CS: variants seen among roughly 807,000 people sequenced by gnomAD.
The protein encoded by CS is citrate synthase, mitochondrial.
In CS, 13 loss-of-function variants were observed where a neutral mutation model predicts 61.4. That is an observed-to-expected ratio of 0.21 (90% CI 0.14 to 0.34). CS has a LOEUF of 0.34. CS is among the 10% of genes least tolerant of loss of function. The pLI, the probability that CS is intolerant of heterozygous loss-of-function variation, is 1.00. For synonymous variants in CS, 159 were observed against 215.2 expected, an observed-to-expected ratio of 0.74 and a Z score of 2.29; for missense variants, 278 against 573.4, an observed-to-expected ratio of 0.48 and a Z score of 5.26.
intron 1 of CS, among the ~76,000 whole-genome samples, chr12:56,290,499 C>T (rs934480272): frequency 2.6e-5 from 4 of 152,212 alleles, no homozygotes; most frequent in African/African-American, 4.8e-5. Context: ...CGTGAGCCAC[C>T]GCGCTCAGCC....
At chr12:56,290,489 C>A (rs895611988) in intron 1 of CS, among the ~76,000 whole-genome samples, 1 of 152,076 alleles carries the variant, frequency 6.6e-6, no homozygotes, top group East Asian at 1.9e-4. Flanking sequence ...GGATTACAGG[C>A]GTGAGCCACC....
At position 56,289,333 on chromosome 12, in the gene CS, C is replaced by T. The variant is rs576507765; in HGVS notation, c.43-2688G>A. On this transcript the variant is annotated intron_variant, in intron 1 of 10. Coordinates refer to ENST00000351328, the MANE Select transcript of CS (RefSeq NM_004077.3). ...AGCTATTCCATGGTTTAGAGTCCCACAGATTCCCTACTAGAGAGGCCCCAT... is the reference window on the plus strand; with the variant it reads ...AGCTATTCCATGGTTTAGAGTCCCATAGATTCCCTACTAGAGAGGCCCCAT... Among the ~76,000 whole-genome samples, 5 of 152,356 alleles carry T rather than the reference C, an allele frequency of 3.3e-5. No individual in the cohort carries two copies. In the South Asian group the frequency reaches 1.0e-3, roughly 32 times the overall value.
intron 6 of CS, among the ~76,000 whole-genome samples, chr12:56,280,002 C>T (rs957832888): frequency 6.6e-6 from 1 of 151,092 alleles, no homozygotes; most frequent in African/African-American, 2.4e-5. Context: ...CAAAAAGGCC[C>T]AGGGTGGTGG....
intron 9 of CS, chr12:56,274,557 G>A (rs1872585179): frequency 2.1e-6 from 1 of 465,526 alleles, no homozygotes; most frequent in Admixed American, 4.0e-5. Context: ...TTAAACTCCT[G>A]GCCTCAAGCA....
chr12:56,290,376 T>C (rs1873080722), intron 1 of CS, among the ~76,000 whole-genome samples: 2 of 152,044 alleles, frequency 1.3e-5, no homozygotes, highest in East Asian at 3.9e-4. Flanking sequence ...CACACCCGGC[T>C]AATTTTTTGT....
intron 1 of CS, 37 bp downstream of exon 1, chr12:56,300,122 CA>C (rs763902743): frequency 1.3e-6 from 2 of 1,548,536 alleles, no homozygotes; most frequent in Non-Finnish European, 1.7e-6. Context: ...GCCTCAGCCC[CA>C]CCCTGGGACG....
chr12:56,298,949 G>C (rs1339109368), intron 1 of CS, among the ~76,000 whole-genome samples: 1 of 152,036 alleles, frequency 6.6e-6, no homozygotes, highest in African/African-American at 2.4e-5. Flanking sequence ...AGCTGAAGTG[G>C]GAGGATTGCT....
chr12:56,280,233 G>A (rs1872734893), intron 6 of CS, among the ~76,000 whole-genome samples: 1 of 151,840 alleles, frequency 6.6e-6, no homozygotes, highest in African/African-American at 2.4e-5. Flanking sequence ...GGCCAACATA[G>A]TGAAACCCTG....
intron 1 of CS, among the ~76,000 whole-genome samples, chr12:56,295,123 T>G (rs576740669): frequency 7.6e-4 from 115 of 152,004 alleles, no homozygotes; most frequent in Non-Finnish European, 1.2e-3. Context: ...AGACAAGGTC[T>G]TGCTATGTTG....
intron 3 of CS, 118 bp from the exon 4 acceptor site, chr12:56,283,975 CTT>C: frequency 1.4e-6 from 1 of 714,834 alleles, no homozygotes; most frequent in East Asian, 2.7e-5. Flanking sequence ...TATTCTCAGA[CTT>C]GTAAGACTTC....
Position 56,282,730 on chromosome 12 carries a change from C to G in CS, c.400-122G>C, listed in dbSNP as rs1026003197. Reference sequence around the variant, plus strand: ...AGGTCAACCCAATCCATTTATACAGCAGAACTCTGCTGATTCCTTCCCTTC... The same window carrying G: ...AGGTCAACCCAATCCATTTATACAGGAGAACTCTGCTGATTCCTTCCCTTC... On this transcript the variant is annotated intron_variant, in intron 5 of 10. Transcript: ENST00000351328. 28 of 1,530,704 alleles carry G rather than the reference C, an allele frequency of 1.8e-5. No individual in the cohort carries two copies. In the South Asian group the frequency reaches 3.3e-4, roughly 18 times the overall value. The allele number at this position is 1,530,704 out of a possible 1,614,324, so 94.8% of individuals were successfully genotyped here. A position where few individuals can be genotyped will look rare whatever the true frequency, so the allele number is the denominator to read the frequency against.
At chr12:56,293,096 ACT>A (rs1229758947) in intron 1 of CS, among the ~76,000 whole-genome samples, 1 of 151,536 alleles carries the variant, frequency 6.6e-6, no homozygotes, top group African/African-American at 2.4e-5. Flanking sequence ...AACAGAGGAG[ACT>A]CTGTCTCAAA....
At chr12:56,295,726 G>A (rs1241078390) in intron 1 of CS, among the ~76,000 whole-genome samples, 5 of 150,504 alleles carry the variant, frequency 3.3e-5, no homozygotes, top group African/African-American at 1.2e-4. Flanking sequence ...AGGTGGAGGC[G>A]GGCGGATCAC....
intron 1 of CS, among the ~76,000 whole-genome samples, chr12:56,296,216 T>C (rs919815922): frequency 6.6e-6 from 1 of 152,128 alleles, no homozygotes; most frequent in Non-Finnish European, 1.5e-5. Context: ...ATCTCAGCAC[T>C]TTGGGAAGCT....
At position 56,289,338 on chromosome 12, in the gene CS, T is replaced by A. The variant is rs543574095; in HGVS notation, c.43-2693A>T. On this transcript the variant is annotated intron_variant, in intron 1 of 10. Coordinates refer to ENST00000351328, the MANE Select transcript of CS (RefSeq NM_004077.3). Reference sequence around the variant, plus strand: ...TTCCATGGTTTAGAGTCCCACAGATTCCCTACTAGAGAGGCCCCATGTCCC... The same window carrying A: ...TTCCATGGTTTAGAGTCCCACAGATACCCTACTAGAGAGGCCCCATGTCCC... 4.6e-5 allele frequency among the ~76,000 whole-genome samples: 7 copies of A among 152,264 alleles called. No homozygotes were observed. The East Asian group carries it at 1.2e-3, about 25-fold the overall frequency.
intron 1 of CS, among the ~76,000 whole-genome samples, chr12:56,289,885 C>T (rs1873062180): frequency 6.6e-6 from 1 of 152,056 alleles, no homozygotes; most frequent in Admixed American, 6.6e-5. Context: ...CCACTGCAAC[C>T]AGCTGACTTT....
At chr12:56,280,551 CAGG>C (rs1297229975) in intron 6 of CS, among the ~76,000 whole-genome samples, 1 of 151,706 alleles carries the variant, frequency 6.6e-6, no homozygotes, top group African/African-American at 2.4e-5. Flanking sequence ...CACTTGAGTC[CAGG>C]AGTTCAAGGT....
intron 1 of CS, chr12:56,291,093 G>T (rs1009575787): frequency 7.6e-6 from 3 of 393,594 alleles, no homozygotes; most frequent in South Asian, 2.2e-5. Context: ...AATAATAAAA[G>T]CCAATTTCAG....
chr12:56,275,905 G>T, intron 7 of CS, 91 bp downstream of exon 7: 1 of 1,137,760 alleles, frequency 8.8e-7, no homozygotes. Flanking sequence ...CCTATCATCT[G>T]TTCTCAGAAG....
Sources: gnomAD v4.1 joint callset for allele counts (sites outside exome capture counted in the v4.1 genomes callset) on GRCh38, gnomAD v4.1.1 for gene constraint, MANE v1.5 for transcripts, NCBI Gene and HGNC (gene_info 2026-07-23, HGNC 2026-07-21) for gene names.